Variants in RHOBTB3 observed in about 807,000 individuals in gnomAD.
RHOBTB3 encodes the protein Rho related BTB domain containing 3, also known as rho-related BTB domain-containing protein 3.
In RHOBTB3, 47 loss-of-function variants were observed where a neutral mutation model predicts 67.2. That is an observed-to-expected ratio of 0.70 (90% CI 0.55 to 0.89). The LOEUF (loss-of-function observed/expected upper bound fraction) is 0.89. Ranked by LOEUF, RHOBTB3 falls within the 40% of genes least tolerant of loss-of-function variation. The probability of loss-of-function intolerance (pLI) is 0.00; values close to 1 mark genes in which losing one functional copy is unlikely to be tolerated. For synonymous variants in RHOBTB3, 273 were observed against 274.2 expected (o/e 1.00, Z 0.04); for missense variants, 631 against 750.0 (o/e 0.84, Z 1.85).
upstream of RHOBTB3, among the ~76,000 whole-genome samples, chr5:95,726,245 A>G (rs115147826): frequency 3.0e-3 from 462 of 152,288 alleles, 1 homozygote; most frequent in South Asian, 0.014. Context: ...TTTGCGTTCT[A>G]TGTATTATTT....
At chr5:95,770,795 G>T in intron 8 of RHOBTB3, 1 of 178,536 alleles carries the variant, frequency 5.6e-6, no homozygotes, top group South Asian at 1.2e-4. Flanking sequence ...GAAGTCATTT[G>T]AAGAAAATGA....
intron 7 of RHOBTB3, among the ~76,000 whole-genome samples, chr5:95,764,178 C>T (rs185821695): frequency 3.1e-4 from 47 of 152,210 alleles, no homozygotes; most frequent in Non-Finnish European, 2.6e-4. Context: ...TGCTCGTTTG[C>T]GAATTCTGCC....
intron 2 of RHOBTB3, among the ~76,000 whole-genome samples, chr5:95,733,791 A>G (rs1363945450): frequency 6.6e-6 from 1 of 152,232 alleles, no homozygotes; most frequent in Non-Finnish European, 1.5e-5. Flanking sequence ...AGTAAAGCCC[A>G]TCAGAGATTC....
At position 95,755,444 on chromosome 5, in the gene RHOBTB3, T is replaced by G; in HGVS notation, c.731T>G (p.Leu244Ter). ...KAEASHYNSD[L>*]NNLLFCCQCV... ...GAAGCGTCACATTATAACTCTGACTTAAATAACTTGCTGTTCTGCTGCCAG... is the reference window on the plus strand; with the variant it reads ...GAAGCGTCACATTATAACTCTGACTGAAATAACTTGCTGTTCTGCTGCCAG... The change falls in exon 6 of 12, where the codon TTA (leucine) becomes TGA (stop). Residue 244 changes from leucine (L) to a stop codon, truncating the protein, a stop_gained. Coordinates refer to ENST00000379982, the MANE Select transcript of RHOBTB3 (RefSeq NM_014899.4). LOFTEE classifies it high-confidence loss of function. 1 of 1,612,126 alleles carries G rather than the reference T, an allele frequency of 6.2e-7. No individual in the cohort carries two copies. The highest frequency in any genetic ancestry group is 8.5e-7 in the Non-Finnish European group (1 of 1,179,352).
chr5:95,796,287 T>C lies in RHOBTB3; in HGVS notation c.*3113T>C, dbSNP rs1003756525. 8 of 152,252 alleles carry C rather than the reference T, an allele frequency of 5.3e-5. No homozygotes were observed. Among genetic ancestry groups the C allele is most frequent in the Non-Finnish European group, 1.0e-4 (7 of 68,040 alleles). 9.4% of individuals were successfully genotyped at this position (152,252 alleles called of 1,614,324 possible). On this transcript the variant is annotated 3_prime_UTR_variant, in exon 12 of 12. Coordinates refer to ENST00000379982, the MANE Select transcript of RHOBTB3 (RefSeq NM_014899.4). Reference sequence around the variant, plus strand: ...AGAAGGGTATGTGTGTATTTTAATATAGCCTGACCTGAATTTATATGTTTT... The same window carrying C: ...AGAAGGGTATGTGTGTATTTTAATACAGCCTGACCTGAATTTATATGTTTT...
chr5:95,783,897 G>A lies in RHOBTB3; in HGVS notation c.1557G>A (p.Gln519=). The change falls in exon 10 of 12, where the codon CAG becomes CAA. Residue 519 remains glutamine, a synonymous_variant. Transcript: ENST00000379982. The part of the protein sequence containing the change: ...ICELFIITQL[Q]SMPSRELASM... ...AGCTGTTCATCATTACCCAGCTGCA[G>A]AGCATGCCAAGCAGGGAACTGGCAT... is the stretch of plus-strand genomic sequence containing the variant. The A allele has an allele frequency of 1.2e-6, 2 of 1,613,986 alleles. No individual in the cohort carries two copies. The highest frequency in any genetic ancestry group is 1.7e-6 in the Non-Finnish European group (2 of 1,179,912).
intron 11 of RHOBTB3, 62 bp downstream of exon 11, chr5:95,788,920 C>T: frequency 2.8e-6 from 3 of 1,059,444 alleles, no homozygotes; most frequent in Non-Finnish European, 4.1e-6. Flanking sequence ...AGATTTGAGA[C>T]ATAAGTTGTA....
intron 3 of RHOBTB3, among the ~76,000 whole-genome samples, chr5:95,745,158 A>G (rs1054476195): frequency 1.3e-5 from 2 of 151,892 alleles, no homozygotes; most frequent in African/African-American, 4.8e-5. Context: ...CTGGCCCCCA[A>G]CTCCTAGGTT....
chr5:95,728,634 C>T (rs554225491), upstream of RHOBTB3, among the ~76,000 whole-genome samples: 3 of 152,240 alleles, frequency 2.0e-5, no homozygotes, highest in East Asian at 5.8e-4. Context: ...ATTGAGTGTG[C>T]TAATATTCAC....
Position 95,755,605 on chromosome 5 carries a change from A to G in RHOBTB3, c.892A>G (p.Ile298Val), listed in dbSNP as rs772887011. ...KSPTDIQDSS[I>V]IRTTQDLFAI... ...TCCCACTGACATTCAGGATTCCAGTATCATCCGAACTACCCAGGATCTTTT... is the reference window on the plus strand; with the variant it reads ...TCCCACTGACATTCAGGATTCCAGTGTCATCCGAACTACCCAGGATCTTTT... The change falls in exon 6 of 12, where the codon ATC (isoleucine) becomes GTC (valine). Residue 298 changes from isoleucine (I) to valine (V), a missense_variant. Coordinates refer to ENST00000379982, the MANE Select transcript of RHOBTB3 (RefSeq NM_014899.4). 4.3e-6 allele frequency: 7 copies of G among 1,614,042 alleles called. No individual in the cohort carries two copies. Among genetic ancestry groups the G allele is most frequent in the Admixed American group, 3.3e-5 (2 of 59,998 alleles).
At chr5:95,745,273 G>A (rs1225812454) in intron 3 of RHOBTB3, among the ~76,000 whole-genome samples, 1 of 151,826 alleles carries the variant, frequency 6.6e-6, no homozygotes, top group Non-Finnish European at 1.5e-5. Context: ...ATTCAGCCAA[G>A]TATAATCCAG....
chr5:95,779,573 G>A (rs567248183), intron 8 of RHOBTB3, among the ~76,000 whole-genome samples: 2 of 152,296 alleles, frequency 1.3e-5, no homozygotes, highest in South Asian at 4.1e-4. Context: ...AGCAGTATGG[G>A]CTGAGAGAGC....
chr5:95,742,031 C>T (rs1318044482), intron 3 of RHOBTB3, among the ~76,000 whole-genome samples: 1 of 152,072 alleles, frequency 6.6e-6, no homozygotes, highest in East Asian at 1.9e-4. Context: ...GTTTTTAGCC[C>T]CTTCCTTATT....
In RHOBTB3 at chr5:95,731,614, C is replaced by CGGG; in HGVS notation, c.-66_-64dup. ...GCGGATTGCGGGTGAACTCGCCGCC[C>CGGG]GGGGGCCCCGCGAAGCCGTGAGCCG... On this transcript the variant is annotated 5_prime_UTR_variant, in exon 1 of 12. Transcript: ENST00000379982. 1 of 1,602,916 alleles carries CGGG rather than the reference C, an allele frequency of 6.2e-7. No homozygotes were observed. Among genetic ancestry groups the CGGG allele is most frequent in the South Asian group, 1.1e-5 (1 of 89,418 alleles).
At chr5:95,736,808 C>G in intron 2 of RHOBTB3, 81 bp from the exon 3 acceptor site, 1 of 953,480 alleles carries the variant, frequency 1.0e-6, no homozygotes, top group Non-Finnish European at 1.5e-6. Context: ...TTTATGAATT[C>G]CAAAAATTAA....
intron 3 of RHOBTB3, among the ~76,000 whole-genome samples, chr5:95,743,580 A>G (rs1580400457): frequency 6.6e-6 from 1 of 151,762 alleles, no homozygotes. Flanking sequence ...TTTCCCCTCT[A>G]GTTTTTGAGT....
At chr5:95,749,768 T>C (rs1280334070) in intron 4 of RHOBTB3, among the ~76,000 whole-genome samples, 1 of 152,192 alleles carries the variant, frequency 6.6e-6, no homozygotes, top group East Asian at 1.9e-4. Flanking sequence ...CTAGATTTGG[T>C]TTCATTTGTT....
chr5:95,755,776 G>A lies in RHOBTB3; in HGVS notation c.1048+15G>A. On this transcript the variant is annotated intron_variant, in intron 6 of 11. Transcript: ENST00000379982. ...CATTTATTCAGGTATCTTGTCAAGT[G>A]GTTCTGGTTACTTACAATCTCATAA... 4 of 1,611,548 alleles carry A rather than the reference G, an allele frequency of 2.5e-6. No individual in the cohort carries two copies. Among genetic ancestry groups the A allele is most frequent in the Non-Finnish European group, 3.4e-6 (4 of 1,179,448 alleles).
intron 6 of RHOBTB3, among the ~76,000 whole-genome samples, chr5:95,762,162 C>CA: frequency 6.6e-6 from 1 of 152,236 alleles, no homozygotes; most frequent in Admixed American, 6.5e-5. Context: ...TTGATAGCAT[C>CA]AAAAAATGGC....
Sources: allele counts gnomAD v4.1 joint callset (sites outside exome capture counted in the v4.1 genomes callset), GRCh38; gene constraint gnomAD v4.1.1; transcripts MANE v1.5; gene names NCBI Gene and HGNC (gene_info 2026-07-23, HGNC 2026-07-21).